TAFA1: variants seen among roughly 807,000 people sequenced by gnomAD.
TAFA1 encodes TAFA chemokine like family member 1.
In TAFA1, 4 loss-of-function variants were observed where a neutral mutation model predicts 18.5. That is an observed-to-expected ratio of 0.22 (90% CI 0.11 to 0.49). The LOEUF is 0.49. TAFA1 is among the 20% of genes least tolerant of loss of function. TAFA1 has a pLI of 0.98. For synonymous variants in TAFA1, 56 were observed against 55.2 expected (o/e 1.01, Z -0.06); for missense variants, 147 against 169.0 (o/e 0.87, Z 0.72).
rs144366868 is a variant in TAFA1 at position 68,122,351 on chromosome 3, T to C, written c.118+115607T>C. Among the ~76,000 whole-genome samples the C allele has an allele frequency of 7.4e-4, 112 of 152,324 alleles. 2 individuals carry two copies. Among genetic ancestry groups the C allele is most frequent in the Admixed American group, 6.4e-3 (98 of 15,290 alleles). The stretch of plus-strand genomic sequence containing the variant: ...CCTGCAATGTACAAATTTCAAAATG[T>C]TTATAAACACACTTGACCAGAAGAA... On this transcript the variant is annotated intron_variant, in intron 2 of 4. Coordinates refer to ENST00000478136, the MANE Select transcript of TAFA1 (RefSeq NM_213609.4).
chr3:68,265,964 C>G (rs1307616177), intron 2 of TAFA1, among the ~76,000 whole-genome samples: 1 of 152,120 alleles, frequency 6.6e-6, no homozygotes, highest in Non-Finnish European at 1.5e-5. Flanking sequence ...CCCTGGAATG[C>G]TAATGTCTTG....
At chr3:68,465,265 A>G (rs2071865677) in intron 3 of TAFA1, among the ~76,000 whole-genome samples, 1 of 152,174 alleles carries the variant, frequency 6.6e-6, no homozygotes, top group African/African-American at 2.4e-5. Flanking sequence ...TTTGCAGCAG[A>G]TACCTTGTAA....
chr3:68,278,602 C>A (rs1278631926), intron 2 of TAFA1, among the ~76,000 whole-genome samples: 1 of 152,104 alleles, frequency 6.6e-6, no homozygotes. Flanking sequence ...CCATCACTTT[C>A]CCCTTCTGCG....
chr3:68,383,188 G>T (rs2070015027), intron 2 of TAFA1, among the ~76,000 whole-genome samples: 1 of 151,928 alleles, frequency 6.6e-6, no homozygotes, highest in Admixed American at 6.6e-5. Context: ...TCTTTCTGTT[G>T]TCTGATTTCA....
chr3:68,078,044 T>C (rs865805125), intron 2 of TAFA1, among the ~76,000 whole-genome samples: 2 of 151,950 alleles, frequency 1.3e-5, no homozygotes, highest in Non-Finnish European at 1.5e-5. Context: ...TAAGCTGGAT[T>C]CCTAGGTATT....
At position 68,522,457 on chromosome 3, in the gene TAFA1, T is replaced by C. The variant is rs2073043457; in HGVS notation, c.260-16299T>C. Among the ~76,000 whole-genome samples the C allele has an allele frequency of 2.6e-5, 4 of 152,190 alleles. No homozygotes were observed. The South Asian group carries it at 8.3e-4, about 32-fold the overall frequency. ...GGGGAGCTAGATGGCCATTCCGATT[T>C]ACTGAAGCAGAAAAAGAAAGGCTTC... On this transcript the variant is annotated intron_variant, in intron 3 of 4. Coordinates refer to ENST00000478136, the MANE Select transcript of TAFA1 (RefSeq NM_213609.4).
At chr3:68,016,550 T>C (rs1472036318) in intron 2 of TAFA1, among the ~76,000 whole-genome samples, 1 of 152,180 alleles carries the variant, frequency 6.6e-6, no homozygotes, top group Non-Finnish European at 1.5e-5. Context: ...GCTATACAGC[T>C]TGTAGCTTAG....
chr3:68,161,554 A>C (rs1039174395), intron 2 of TAFA1, among the ~76,000 whole-genome samples: 8 of 152,162 alleles, frequency 5.3e-5, no homozygotes, highest in Non-Finnish European at 8.8e-5. Context: ...ACCACCTTAC[A>C]TTTTTCCAAA....
At chr3:68,482,012 T>G (rs1359570220) in intron 3 of TAFA1, among the ~76,000 whole-genome samples, 2 of 152,182 alleles carry the variant, frequency 1.3e-5, no homozygotes, top group African/African-American at 4.8e-5. Flanking sequence ...TACTTTCTTT[T>G]TTTTGTTTTG....
chr3:68,199,986 A>G (rs1437992234), intron 2 of TAFA1, among the ~76,000 whole-genome samples: 2 of 151,548 alleles, frequency 1.3e-5, no homozygotes, highest in Non-Finnish European at 3.0e-5. Flanking sequence ...TGTTTTGTAC[A>G]TTTTAAAATC....
intron 2 of TAFA1, among the ~76,000 whole-genome samples, chr3:68,046,523 A>G (rs1338755663): frequency 6.6e-6 from 1 of 152,226 alleles, no homozygotes; most frequent in South Asian, 2.1e-4. Context: ...GAAATAAATC[A>G]GCAAAATTGT....
intron 2 of TAFA1, among the ~76,000 whole-genome samples, chr3:68,298,345 T>C (rs1388014056): frequency 6.6e-6 from 1 of 152,008 alleles, no homozygotes; most frequent in Non-Finnish European, 1.5e-5. Flanking sequence ...TAAATAACCA[T>C]GGACAGGTGA....
intron 3 of TAFA1, 84 bp from the exon 4 acceptor site, chr3:68,538,672 G>A (rs552842868): frequency 7.5e-5 from 106 of 1,405,488 alleles, no homozygotes; most frequent in Non-Finnish European, 9.0e-5. Context: ...TTCCAAGAAC[G>A]TGAAAATCTG....
chr3:68,030,221 T>C (rs970206380), intron 2 of TAFA1, among the ~76,000 whole-genome samples: 9 of 151,914 alleles, frequency 5.9e-5, no homozygotes, highest in African/African-American at 2.2e-4. Context: ...ATAAAACCAG[T>C]TCATGCTTTA....
At chr3:68,252,297 C>G (rs2067212023) in intron 2 of TAFA1, among the ~76,000 whole-genome samples, 1 of 152,154 alleles carries the variant, frequency 6.6e-6, no homozygotes, top group Non-Finnish European at 1.5e-5. Flanking sequence ...ATTCCTGAAC[C>G]CTCAATGATC....
At chr3:68,085,672 C>T (rs1475343862) in intron 2 of TAFA1, among the ~76,000 whole-genome samples, 2 of 152,158 alleles carry the variant, frequency 1.3e-5, no homozygotes, top group Admixed American at 1.3e-4. Flanking sequence ...TTATCCACTC[C>T]AAAGAGTATA....
chr3:68,161,344 A>C (rs1436267708), intron 2 of TAFA1, among the ~76,000 whole-genome samples: 1 of 152,078 alleles, frequency 6.6e-6, no homozygotes, highest in Non-Finnish European at 1.5e-5. Flanking sequence ...GTTCTATTTT[A>C]AGAGGGTACA....
At chr3:68,047,406 T>C (rs2064402974) in intron 2 of TAFA1, among the ~76,000 whole-genome samples, 1 of 152,180 alleles carries the variant, frequency 6.6e-6, no homozygotes, top group Non-Finnish European at 1.5e-5. Flanking sequence ...AGGGATGGCA[T>C]AGCAGCCAAC....
At chr3:68,368,274 T>C (rs2069610344) in intron 2 of TAFA1, among the ~76,000 whole-genome samples, 1 of 152,206 alleles carries the variant, frequency 6.6e-6, no homozygotes, top group Non-Finnish European at 1.5e-5. Flanking sequence ...TACATTAATG[T>C]TAGATTAATA....
Sources: gnomAD v4.1 joint callset for allele counts (sites outside exome capture counted in the v4.1 genomes callset) on GRCh38, gnomAD v4.1.1 for gene constraint, MANE v1.5 for transcripts, NCBI Gene and HGNC (gene_info 2026-07-23, HGNC 2026-07-21) for gene names.